Variants in KMT5B observed in about 807,000 individuals in gnomAD.
The protein encoded by KMT5B is histone-lysine N-methyltransferase KMT5B.
Under a neutral mutation model 83.2 loss-of-function variants are expected in KMT5B, and 10 were observed. The ratio of observed to expected loss-of-function variants is 0.12; its 90% CI spans 0.07 to 0.20. The LOEUF (loss-of-function observed/expected upper bound fraction) is 0.20. KMT5B is among the 10% of genes least tolerant of loss of function. The pLI is 1.00. For missense variants in KMT5B, 753 were observed against 1,067.2 expected (o/e 0.71, Z 4.10); for synonymous variants, 349 against 388.8 (o/e 0.90, Z 1.20).
At chr11:68,163,361 T>C (rs1057415236) in intron 10 of KMT5B, among the ~76,000 whole-genome samples, 2 of 152,244 alleles carry the variant, frequency 1.3e-5, no homozygotes, top group Non-Finnish European at 2.9e-5. Flanking sequence ...ATGGCAGAGA[T>C]GGGACTTGTT....
chr11:68,198,752 C>T (rs1435506748), intron 1 of KMT5B, among the ~76,000 whole-genome samples: 4 of 151,690 alleles, frequency 2.6e-5, no homozygotes, highest in African/African-American at 4.8e-5. Context: ...TTTTTTGAGA[C>T]GGAGTCTCGC....
chr11:68,189,877 T>C, intron 2 of KMT5B, 40 bp downstream of exon 2: 1 of 1,579,984 alleles, frequency 6.3e-7, no homozygotes, highest in Non-Finnish European at 8.6e-7. Context: ...TACTACCCCA[T>C]ATCACAATCA....
chr11:68,185,075 G>T (rs1591002999), intron 3 of KMT5B, among the ~76,000 whole-genome samples: 1 of 152,020 alleles, frequency 6.6e-6, no homozygotes, highest in African/African-American at 2.4e-5. Context: ...CAGAGACAAC[G>T]TGTAAGAGAA....
intron 1 of KMT5B, among the ~76,000 whole-genome samples, chr11:68,210,905 G>A (rs1030576132): frequency 1.3e-5 from 2 of 152,254 alleles, no homozygotes; most frequent in Admixed American, 1.3e-4. Flanking sequence ...CCAATGTAAA[G>A]CTCATACATG....
intron 10 of KMT5B, among the ~76,000 whole-genome samples, chr11:68,165,093 T>C (rs1033869960): frequency 1.3e-5 from 2 of 152,226 alleles, no homozygotes; most frequent in Non-Finnish European, 2.9e-5. Context: ...ACACCAGTAA[T>C]AAAGTTACTA....
rs916979306 is a variant in KMT5B at position 68,194,555 on chromosome 11, G to A, written c.-76-4403C>T. Among the ~76,000 whole-genome samples the A allele has an allele frequency of 1.4e-4, 21 of 152,054 alleles. 1 individual carries two copies. The highest frequency in any genetic ancestry group is 4.6e-4 in the African/African-American group (19 of 41,392). On this transcript the variant is annotated intron_variant, in intron 1 of 10. Coordinates refer to ENST00000304363, the MANE Select transcript of KMT5B (RefSeq NM_017635.5). Reference sequence around the variant, plus strand: ...TGAAGATTTGAATTTCAATAACCTCGTCAAGACTTAGATCTTTAAAAGCTT... The same window carrying A: ...TGAAGATTTGAATTTCAATAACCTCATCAAGACTTAGATCTTTAAAAGCTT...
At chr11:68,166,090 C>A in intron 10 of KMT5B, 8 of 1,488,630 alleles carry the variant, frequency 5.4e-6, no homozygotes, top group Non-Finnish European at 7.1e-6. Flanking sequence ...GGCATACTTT[C>A]GGAATCGCCA....
chr11:68,204,346 G>A (rs975216503), intron 1 of KMT5B, among the ~76,000 whole-genome samples: 8 of 152,264 alleles, frequency 5.3e-5, no homozygotes, highest in African/African-American at 1.4e-4. Context: ...AGATAAAAGA[G>A]ATTATCCTAG....
chr11:68,202,559 T>TG (rs1224000548), intron 1 of KMT5B, among the ~76,000 whole-genome samples: 104 of 150,900 alleles, frequency 6.9e-4, no homozygotes, highest in African/African-American at 2.5e-3. Context: ...TTTTTTTTTT[T>TG]TTTTTTTGAG....
At position 68,157,052 on chromosome 11, in the gene KMT5B, G is replaced by A. The variant is rs1590910997; in HGVS notation, c.*636C>T. 1 of 150,018 alleles carries A rather than the reference G, an allele frequency of 6.7e-6. No homozygotes were observed. Among genetic ancestry groups the A allele is most frequent in the Non-Finnish European group, 1.5e-5 (1 of 67,792 alleles). The allele number at this position is 150,018 out of a possible 1,614,324, so 9.3% of individuals were successfully genotyped here. ...CCTCATCCCACACACTGCTACCCTC[G>A]TACATATAATGAACTGAAAAGTGAG... On this transcript the variant is annotated 3_prime_UTR_variant, in exon 11 of 11. Transcript: ENST00000304363.
chr11:68,159,147 C>A lies in KMT5B; in HGVS notation c.1199G>T (p.Gly400Val), dbSNP rs755584490. The part of the protein sequence containing the change: ...NATSNRKSSV[G>V]VKKNSKSRTL... ...TCTGCTCTTGCTATTCTTTTTTACG[C>A]CAACTGAAGATTTTCGGTTAGAAGC... Residue 400 changes from glycine (G) to valine (V), a missense_variant, in exon 11 of 11, where the codon GGC (glycine) becomes GTC (valine). This residue lies in a region of KMT5B where 397 missense variants were observed against 395.9 expected (regional missense o/e 1.00). Coordinates refer to ENST00000304363, the MANE Select transcript of KMT5B (RefSeq NM_017635.5). The A allele has an allele frequency of 6.4e-7, 1 of 1,573,642 alleles. No individual in the cohort carries two copies. Among genetic ancestry groups the A allele is most frequent in the Admixed American group, 2.1e-5 (1 of 48,512 alleles).
chr11:68,213,066 G>C (rs1431521492), intron 1 of KMT5B, 72 bp downstream of exon 1: 15 of 81,782 alleles, frequency 1.8e-4, no homozygotes, highest in African/African-American at 7.0e-4. Flanking sequence ...GGTCCCCCAC[G>C]TCCCTGCCCG....
At chr11:68,160,588 CA>C (rs1854770130) in intron 10 of KMT5B, among the ~76,000 whole-genome samples, 3 of 152,312 alleles carry the variant, frequency 2.0e-5, no homozygotes, top group South Asian at 4.1e-4. Flanking sequence ...CTACATGCCT[CA>C]GGTTGCCAGG....
intron 4 of KMT5B, among the ~76,000 whole-genome samples, chr11:68,179,105 G>A (rs990213104): frequency 1.3e-5 from 2 of 152,114 alleles, no homozygotes; most frequent in African/African-American, 4.8e-5. Context: ...GGTTAGAAGA[G>A]GATTTGACTT....
chr11:68,162,367 T>C (rs574152365), intron 10 of KMT5B, among the ~76,000 whole-genome samples: 2 of 152,282 alleles, frequency 1.3e-5, no homozygotes, highest in Admixed American at 1.3e-4. Flanking sequence ...AAGAAAAGCT[T>C]TGACTCAAAC....
At chr11:68,202,932 C>T (rs1859638105) in intron 1 of KMT5B, among the ~76,000 whole-genome samples, 1 of 152,050 alleles carries the variant, frequency 6.6e-6, no homozygotes. Flanking sequence ...ATTCTTTTGA[C>T]GATATACCCA....
At chr11:68,179,721 G>A (rs1856734329) in intron 4 of KMT5B, 1 of 934,760 alleles carries the variant, frequency 1.1e-6, no homozygotes, top group African/African-American at 1.7e-5. Context: ...ATAAAACCAT[G>A]AGGCAACATA....
Position 68,171,777 on chromosome 11 carries a change from A to G in KMT5B, c.654-68T>C. ...ATATAGTAAGGCTTCTTTTAATAAA[A>G]TAATCCTGACAATAAATATCAGAAA... On this transcript the variant is annotated intron_variant, in intron 6 of 10. Coordinates refer to ENST00000304363, the MANE Select transcript of KMT5B (RefSeq NM_017635.5). This position sits in a 1 kb window ranked among gnomAD's most constrained non-coding sequence, Gnocchi z 5.1. 7.9e-7 allele frequency: 1 copy of G among 1,263,548 alleles called. No homozygotes were observed. Among genetic ancestry groups the G allele is most frequent in the Non-Finnish European group, 1.1e-6 (1 of 901,248 alleles). 78.3% of individuals were successfully genotyped at this position (1,263,548 alleles called of 1,614,324 possible).
chr11:68,203,238 T>C (rs10896301), intron 1 of KMT5B, among the ~76,000 whole-genome samples: 67,985 of 152,030 alleles, frequency 0.45, 15,856 homozygotes, highest in East Asian at 0.64. Context: ...CCTCCCAAAG[T>C]GCTGGGATTA....
Sources: gnomAD v4.1 joint callset for allele counts (sites outside exome capture counted in the v4.1 genomes callset) on GRCh38, gnomAD v4.1.1 for gene constraint, gnomAD v4.1.1 regional missense constraint, Gnocchi (gnomAD v3.1) non-coding constraint, MANE v1.5 for transcripts, NCBI Gene and HGNC (gene_info 2026-07-23, HGNC 2026-07-21) for gene names.